DPP10: variants seen among roughly 807,000 people sequenced by gnomAD.
DPP10 encodes inactive dipeptidyl peptidase 10.
In DPP10, 33 loss-of-function variants were observed where a neutral mutation model predicts 120.9. The ratio of observed to expected loss-of-function variants is 0.27; its 90% CI spans 0.21 to 0.37. The LOEUF (loss-of-function observed/expected upper bound fraction) is 0.37. Among genes scored for constraint, DPP10 ranks in the 10% least tolerant of loss-of-function variants. The pLI, the probability that DPP10 is intolerant of heterozygous loss-of-function variation, is 1.00. For missense variants in DPP10, 816 were observed against 942.8 expected (o/e 0.87, Z 1.76); for synonymous variants, 337 against 326.1 (o/e 1.03, Z -0.36).
intron 1 of DPP10, among the ~76,000 whole-genome samples, chr2:115,106,680 T>A (rs2048960106): frequency 6.6e-6 from 1 of 152,044 alleles, no homozygotes; most frequent in South Asian, 2.1e-4. Flanking sequence ...CCAGGTCTGA[T>A]CTAGTCCTGA....
chr2:114,565,241 C>A (rs150612285), intron 1 of DPP10, among the ~76,000 whole-genome samples: 13 of 152,188 alleles, frequency 8.5e-5, no homozygotes, highest in Admixed American at 2.6e-4. Context: ...TTTTCTTTTG[C>A]ACAACAGCTG....
At chr2:115,790,966 T>A in intron 17 of DPP10, 115 bp from the exon 18 acceptor site, 1 of 611,646 alleles carries the variant, frequency 1.6e-6, no homozygotes, top group Non-Finnish European at 2.8e-6. Context: ...AAATGATGAG[T>A]TAATCAGCAC....
intron 1 of DPP10, among the ~76,000 whole-genome samples, chr2:114,494,463 A>G (rs1682324398): frequency 1.3e-5 from 2 of 152,184 alleles, no homozygotes; most frequent in Non-Finnish European, 1.5e-5. Context: ...GGGAAGCAGC[A>G]TGTGAAAAGG....
At chr2:115,352,674 G>GT (rs979344170) in intron 3 of DPP10, among the ~76,000 whole-genome samples, 3 of 152,004 alleles carry the variant, frequency 2.0e-5, no homozygotes, top group East Asian at 1.9e-4. Flanking sequence ...AATATAAAGG[G>GT]TTTTTTTCCT....
At chr2:114,966,988 TC>T (rs1699079522) in intron 1 of DPP10, among the ~76,000 whole-genome samples, 1 of 151,914 alleles carries the variant, frequency 6.6e-6, no homozygotes, top group Non-Finnish European at 1.5e-5. Context: ...GTTGCAGTGA[TC>T]CATGACCACA....
intron 17 of DPP10, among the ~76,000 whole-genome samples, chr2:115,784,794 A>G (rs2149883096): frequency 6.6e-6 from 1 of 152,312 alleles, no homozygotes; most frequent in South Asian, 2.1e-4. Context: ...AGCCTCCCAA[A>G]GTGCTGAGAT....
chr2:114,638,224 T>G (rs928226327), intron 1 of DPP10, among the ~76,000 whole-genome samples: 2 of 151,858 alleles, frequency 1.3e-5, no homozygotes, highest in African/African-American at 2.4e-5. Context: ...CTTAGGTATG[T>G]CCATTTTTTT....
At chr2:114,559,891 C>CAAAAAAAAAAAAAAAAAAAAAAA (rs60833358) in intron 1 of DPP10, among the ~76,000 whole-genome samples, 4 of 65,952 alleles carry the variant, frequency 6.1e-5, no homozygotes, top group African/African-American at 9.7e-5. Flanking sequence ...AGAAAAAAAG[C>CAAAAAAAAAAAAAAAAAAAAAAA]AAAAAAAAAA....
In DPP10 at chr2:114,923,472, CTTTTTTTT is replaced by C. The variant is rs71394115; in HGVS notation, c.61-385748_61-385741del. Among the ~76,000 whole-genome samples, 39 of 69,406 alleles carry C rather than the reference CTTTTTTTT, an allele frequency of 5.6e-4. No individual in the cohort carries two copies. The South Asian group carries it at 9.2e-3, about 16-fold the overall frequency. 45.5% of individuals were successfully genotyped at this position (69,406 alleles called of 152,430 possible). ...GAGCCACCACGCTTGGCCTTTTTTC[CTTTTTTTT>C]TTTTTTTTTTTTTTTTTTGACAGAG... On this transcript the variant is annotated intron_variant, in intron 1 of 25. Coordinates refer to ENST00000410059, the MANE Select transcript of DPP10 (RefSeq NM_020868.6).
chr2:115,001,949 T>C lies in DPP10; in HGVS notation c.61-307290T>C, dbSNP rs1334626918. Among the ~76,000 whole-genome samples, 9 of 152,160 alleles carry C rather than the reference T, an allele frequency of 5.9e-5. No homozygotes were observed. The South Asian group carries it at 6.2e-4, about 11-fold the overall frequency. Reference sequence around the variant, plus strand: ...AAAAAATCAATGTAATTAAAATGGCTATACTGCCCAAAGCAATTTATGGAT... The same window carrying C: ...AAAAAATCAATGTAATTAAAATGGCCATACTGCCCAAAGCAATTTATGGAT... On this transcript the variant is annotated intron_variant, in intron 1 of 25. Coordinates refer to ENST00000410059, the MANE Select transcript of DPP10 (RefSeq NM_020868.6).
At chr2:115,259,034 G>A (rs553216820) in intron 1 of DPP10, among the ~76,000 whole-genome samples, 1 of 152,302 alleles carries the variant, frequency 6.6e-6, no homozygotes, top group African/African-American at 2.4e-5. Context: ...AGAATACAGA[G>A]GTAGTCATCC....
chr2:115,321,583 G>T (rs1310349719), intron 2 of DPP10, among the ~76,000 whole-genome samples: 3 of 133,956 alleles, frequency 2.2e-5, no homozygotes, highest in Non-Finnish European at 4.7e-5. Flanking sequence ...GCCAAATTTG[G>T]CAAGTTGTTG....
At chr2:115,455,439 C>T (rs888491995) in intron 3 of DPP10, among the ~76,000 whole-genome samples, 3 of 152,116 alleles carry the variant, frequency 2.0e-5, no homozygotes, top group Non-Finnish European at 2.9e-5. Context: ...CTACTGTTGA[C>T]TTTCTTCACA....
intron 5 of DPP10, among the ~76,000 whole-genome samples, chr2:115,623,158 C>A (rs538774842): frequency 6.6e-6 from 1 of 152,040 alleles, no homozygotes; most frequent in African/African-American, 2.4e-5. Context: ...TTCATTTATT[C>A]TTATTGTCTA....
intron 1 of DPP10, among the ~76,000 whole-genome samples, chr2:114,666,683 A>G (rs1697949208): frequency 6.6e-6 from 1 of 152,222 alleles, no homozygotes; most frequent in African/African-American, 2.4e-5. Context: ...CTTAGAGGTT[A>G]TCTAGAGGAG....
At chr2:115,497,949 TA>T (rs35416398) in intron 3 of DPP10, among the ~76,000 whole-genome samples, 32,277 of 148,592 alleles carry the variant, frequency 0.22, 3,927 homozygotes, top group East Asian at 0.4. Flanking sequence ...AAGTTAATGA[TA>T]AAAAAAAAAG....
At chr2:114,470,637 CTG>C (rs1679829051) in intron 1 of DPP10, among the ~76,000 whole-genome samples, 1 of 152,178 alleles carries the variant, frequency 6.6e-6, no homozygotes, top group African/African-American at 2.4e-5. Context: ...AACTTATTCA[CTG>C]TGTGTTATAG....
intron 1 of DPP10, among the ~76,000 whole-genome samples, chr2:114,684,912 C>A (rs900792739): frequency 6.6e-6 from 1 of 151,908 alleles, no homozygotes; most frequent in Non-Finnish European, 1.5e-5. Flanking sequence ...CATGGAGATC[C>A]ACTGAAGTGG....
At chr2:115,705,132 G>A (rs917703616) in intron 7 of DPP10, among the ~76,000 whole-genome samples, 1 of 151,542 alleles carries the variant, frequency 6.6e-6, no homozygotes, top group African/African-American at 2.4e-5. Context: ...AGTTTCTTTG[G>A]GAGACTTTAA....
Sources: allele counts gnomAD v4.1 joint callset (sites outside exome capture counted in the v4.1 genomes callset), GRCh38; gene constraint gnomAD v4.1.1; transcripts MANE v1.5; gene names NCBI Gene and HGNC (gene_info 2026-07-23, HGNC 2026-07-21).